Variants in PARP12 observed in about 807,000 individuals in gnomAD.
The protein encoded by PARP12 is protein mono-ADP-ribosyltransferase PARP12.
In PARP12, 59 loss-of-function variants were observed where a neutral mutation model predicts 72.4. The observed-to-expected ratio is 0.81, with a 90% CI of 0.66 to 1.01. The LOEUF is 1.01. Among genes scored for constraint, PARP12 ranks in the 50% least tolerant of loss-of-function variants. The pLI, the probability that PARP12 is intolerant of heterozygous loss-of-function variation, is 0.00. For synonymous variants in PARP12, 403 were observed against 371.4 expected (o/e 1.09, Z -0.98); for missense variants, 851 against 914.0 (o/e 0.93, Z 0.89).
At chr7:140,033,910 A>C in intron 8 of PARP12, 1 of 1,006,086 alleles carries the variant, frequency 9.9e-7, no homozygotes, top group Non-Finnish European at 1.2e-6. Flanking sequence ...AAAAAATTCA[A>C]GTCTATGACT....
intron 5 of PARP12, among the ~76,000 whole-genome samples, chr7:140,043,548 G>A (rs1333917192): frequency 6.6e-6 from 1 of 150,480 alleles, no homozygotes; most frequent in African/African-American, 2.5e-5. Flanking sequence ...TATTTTTTGA[G>A]ACAGAGTCTC....
chr7:140,037,988 G>C, intron 6 of PARP12, 132 bp from the exon 7 acceptor site: 2 of 1,456,336 alleles, frequency 1.4e-6, no homozygotes, highest in Non-Finnish European at 1.8e-6. Flanking sequence ...GGAGGCCAGG[G>C]AGCATGGTAT....
At chr7:140,036,018 AGAAGGAG>A in intron 7 of PARP12, among the ~76,000 whole-genome samples, 1 of 58,204 alleles carries the variant, frequency 1.7e-5, no homozygotes, top group South Asian at 5.3e-4. Flanking sequence ...GAGAAGGAGG[AGAAGGAG>A]GAGAAGGAGG....
At chr7:140,035,999 GAGAAGGAGGAGAAGGAGGAGA>G (rs1816168731) in intron 7 of PARP12, among the ~76,000 whole-genome samples, 8 of 36,636 alleles carry the variant, frequency 2.2e-4, no homozygotes, top group African/African-American at 8.6e-4. Flanking sequence ...GGAGGAGGAG[GAGAAGGAGGAGAAGGAGGAGA>G]AGGAGGAGAA....
intron 4 of PARP12, 90 bp from the exon 5 acceptor site, chr7:140,047,097 T>A: frequency 7.1e-7 from 1 of 1,404,320 alleles, no homozygotes; most frequent in Non-Finnish European, 9.5e-7. Flanking sequence ...TGCTGCCCAC[T>A]GACCTGGGAA....
chr7:140,061,422 C>T (rs919228366), intron 1 of PARP12, among the ~76,000 whole-genome samples: 2 of 152,228 alleles, frequency 1.3e-5, no homozygotes, highest in African/African-American at 4.8e-5. Context: ...CTGACATGAG[C>T]AAGAAATATC....
chr7:140,028,655 T>C lies in PARP12; in HGVS notation c.1455A>G (p.Pro485=). 6.2e-7 allele frequency: 1 copy of C among 1,605,302 alleles called. No individual in the cohort carries two copies. Among genetic ancestry groups the C allele is most frequent in the Non-Finnish European group, 8.5e-7 (1 of 1,175,638 alleles). The change falls in exon 9 of 12, where the codon CCA becomes CCG. Residue 485 remains proline, a synonymous_variant. Transcript: ENST00000263549. ...NTKFPGPKSI[P]DYWDSSALPD... ...GCAGGGCAGAGGAGTCCCAATAGTC[T>C]GGGATGCTCTTCGGGCCTGGAAACT...
intron 9 of PARP12, 111 bp from the exon 10 acceptor site, chr7:140,027,517 A>G (rs1815782136): frequency 7.4e-7 from 1 of 1,356,422 alleles, no homozygotes; most frequent in Non-Finnish European, 1.0e-6. Flanking sequence ...AAAAGCCCAG[A>G]GAGCAGTGAC....
chr7:140,057,281 G>A, intron 2 of PARP12, 128 bp from the exon 3 acceptor site: 1 of 888,346 alleles, frequency 1.1e-6, no homozygotes, highest in Non-Finnish European at 1.7e-6. Flanking sequence ...ACAGAACACA[G>A]CTATTACATC....
Position 140,057,140 on chromosome 7 carries a change from T to C in PARP12, c.476A>G (p.Tyr159Cys). The stretch of plus-strand genomic sequence containing the variant: ...GCCGTGGGGTCCATCTCCTTTGTTG[T>C]AATGTTGGCAAATCTGTTGACAGAG... ...PWLLPEICQH[Y>C]NKGDGPHGSC... The change falls in exon 3 of 12, where the codon TAC becomes TGC. Residue 159 changes from tyrosine (Y) to cysteine (C), a missense_variant. By Grantham distance (194) the Tyr-to-Cys change is radical. Transcript: ENST00000263549. 3.1e-6 allele frequency: 5 copies of C among 1,612,392 alleles called. No homozygotes were observed. The highest frequency in any genetic ancestry group is 4.2e-6 in the Non-Finnish European group (5 of 1,179,304).
At chr7:140,037,469 T>G (rs1381799379) in intron 7 of PARP12, among the ~76,000 whole-genome samples, 1 of 152,236 alleles carries the variant, frequency 6.6e-6, no homozygotes, top group African/African-American at 2.4e-5. Context: ...ACCCTGCTTG[T>G]CCTCCACACT....
intron 3 of PARP12, among the ~76,000 whole-genome samples, chr7:140,055,487 A>G (rs1363986363): frequency 6.6e-6 from 1 of 152,226 alleles, no homozygotes. Flanking sequence ...CCCAATGAGC[A>G]CATAAAATTA....
At position 140,062,712 on chromosome 7, in the gene PARP12, G is replaced by A. The variant is rs766085966; in HGVS notation, c.136C>T (p.Arg46Cys). The A allele has an allele frequency of 2.1e-5, 28 of 1,334,296 alleles. No homozygotes were observed. The highest frequency in any genetic ancestry group is 3.0e-5 in the Admixed American group (1 of 33,618). 82.7% of individuals were successfully genotyped at this position (1,334,296 alleles called of 1,614,324 possible). The part of the protein sequence containing the change: ...ADALERLLRQ[R>C]GRFVVAVRAG... ...CGCACCGCCACCACGAAGCGCCCACGCTGCCGCAGCAGCCGCTCCAGCGCG... is the reference window on the plus strand; with the variant it reads ...CGCACCGCCACCACGAAGCGCCCACACTGCCGCAGCAGCCGCTCCAGCGCG... The change falls in exon 1 of 12, where the codon CGT (arginine) becomes TGT (cysteine). Residue 46 changes from arginine to cysteine, a missense_variant. Arg to Cys is a radical substitution (Grantham distance 180, BLOSUM62 -3). Transcript: ENST00000263549.
intron 6 of PARP12, chr7:140,038,223 G>C (rs1056722563): frequency 1.3e-5 from 13 of 985,336 alleles, no homozygotes; most frequent in African/African-American, 1.7e-5. Context: ...GGCAGCCCAA[G>C]CCAGGCTGGT....
At chr7:140,047,962 TTATTTAATGAGAG>T (rs1816803572) in intron 4 of PARP12, among the ~76,000 whole-genome samples, 1 of 152,182 alleles carries the variant, frequency 6.6e-6, no homozygotes, top group Admixed American at 6.5e-5. Flanking sequence ...TCTATGAACT[TTATTTAATGAGAG>T]TAAGAAGCTG....
intron 8 of PARP12, chr7:140,033,067 C>A (rs1244964376): frequency 2.0e-6 from 1 of 510,270 alleles, no homozygotes; most frequent in African/African-American, 2.1e-5. Context: ...TCTCTCCCAC[C>A]TCAGTCTCCT....
At chr7:140,055,656 G>A (rs182336264) in intron 3 of PARP12, among the ~76,000 whole-genome samples, 13 of 152,290 alleles carry the variant, frequency 8.5e-5, no homozygotes, top group East Asian at 1.9e-4. Flanking sequence ...TGACATCACT[G>A]GCAGTGGATC....
chr7:140,048,912 G>C (rs932270730), intron 4 of PARP12, among the ~76,000 whole-genome samples: 2 of 152,204 alleles, frequency 1.3e-5, no homozygotes, highest in Non-Finnish European at 2.9e-5. Flanking sequence ...GAGGGGACTT[G>C]AGTTCTGGAG....
intron 8 of PARP12, chr7:140,033,592 C>G (rs1327228492): frequency 1.0e-6 from 1 of 985,282 alleles, no homozygotes; most frequent in Non-Finnish European, 1.2e-6. Flanking sequence ...CCAATCCCAT[C>G]CCACCTCCCC....
Sources: allele counts gnomAD v4.1 joint callset (sites outside exome capture counted in the v4.1 genomes callset), GRCh38; gene constraint gnomAD v4.1.1; transcripts MANE v1.5; gene names NCBI Gene and HGNC (gene_info 2026-07-23, HGNC 2026-07-21).